MED12L: variants seen among roughly 807,000 people sequenced by gnomAD.
The protein encoded by MED12L is mediator complex subunit 12L.
A neutral mutation model predicts 281.3 loss-of-function variants in MED12L; 60 were observed. The observed-to-expected ratio is 0.21, with a 90% CI of 0.17 to 0.26. The LOEUF (loss-of-function observed/expected upper bound fraction) is 0.26. Ranked by LOEUF, MED12L falls within the 10% of genes least tolerant of loss-of-function variation. The pLI, the probability that MED12L is intolerant of heterozygous loss-of-function variation, is 1.00. For synonymous variants in MED12L, 974 were observed against 987.2 expected, an observed-to-expected ratio of 0.99 and a Z score of 0.25; for missense variants, 2,146 against 2,680.9, an observed-to-expected ratio of 0.80 and a Z score of 4.41.
intron 16 of MED12L, among the ~76,000 whole-genome samples, chr3:151,334,095 C>A (rs1750658741): frequency 6.7e-6 from 1 of 150,236 alleles, no homozygotes; most frequent in African/African-American, 2.5e-5. Flanking sequence ...GAAAAAAAAT[C>A]TTTTAAATTA....
At chr3:151,360,417 T>C (rs894588934) in intron 20 of MED12L, 57 bp from the exon 21 acceptor site, 13 of 1,526,360 alleles carry the variant, frequency 8.5e-6, no homozygotes, top group Admixed American at 5.7e-5. Flanking sequence ...AAGAGTCAAA[T>C]GATAACCCAC....
chr3:151,097,267 T>C (rs1473204611), intron 2 of MED12L, among the ~76,000 whole-genome samples: 1 of 152,218 alleles, frequency 6.6e-6, no homozygotes, highest in East Asian at 1.9e-4. Context: ...TATAAATGGA[T>C]CTTTCTTAGT....
intron 16 of MED12L, among the ~76,000 whole-genome samples, chr3:151,273,177 T>C (rs1030612353): frequency 1.3e-4 from 19 of 151,956 alleles, no homozygotes; most frequent in African/African-American, 4.4e-4. Flanking sequence ...CACTATGTTA[T>C]TGGGAAAGAA....
intron 2 of MED12L, among the ~76,000 whole-genome samples, chr3:151,105,957 G>C (rs9850016): frequency 0.44 from 66,750 of 152,014 alleles, 16,816 homozygotes; most frequent in African/African-American, 0.71. Context: ...CTTGCTGTTT[G>C]TCATTCCATC....
At chr3:151,300,258 AT>A (rs1745723226) in intron 16 of MED12L, 1 of 677,298 alleles carries the variant, frequency 1.5e-6, no homozygotes, top group Non-Finnish European at 2.7e-6. Flanking sequence ...AAAATACAAC[AT>A]TTTGGTCTTT....
chr3:151,425,174 T>C (rs60571184), intron 43 of MED12L, among the ~76,000 whole-genome samples: 19,978 of 152,218 alleles, frequency 0.13, 1,715 homozygotes, highest in East Asian at 0.42. Context: ...GTAGGTCCAT[T>C]ACTGAATCAG....
intron 2 of MED12L, among the ~76,000 whole-genome samples, chr3:151,108,488 G>A (rs749867118): frequency 6.6e-6 from 1 of 152,168 alleles, no homozygotes; most frequent in Admixed American, 6.5e-5. Flanking sequence ...GACATCCTTG[G>A]GGGTCTGAGA....
chr3:151,269,176 G>A (rs1262858966), intron 16 of MED12L, among the ~76,000 whole-genome samples: 1 of 152,156 alleles, frequency 6.6e-6, no homozygotes, highest in Non-Finnish European at 1.5e-5. Flanking sequence ...CAAGGTGGGT[G>A]GATCACCTGA....
chr3:151,094,827 C>T (rs930628564), intron 2 of MED12L, among the ~76,000 whole-genome samples: 8 of 152,260 alleles, frequency 5.3e-5, no homozygotes, highest in African/African-American at 1.4e-4. Context: ...GGAGGAAGTA[C>T]ATTAAAGAAT....
At chr3:151,089,861 T>A (rs975910415) in intron 2 of MED12L, among the ~76,000 whole-genome samples, 1 of 152,172 alleles carries the variant, frequency 6.6e-6, no homozygotes, top group Non-Finnish European at 1.5e-5. Flanking sequence ...CTGGCAGTCA[T>A]CCTTGAGACC....
At chr3:151,388,330 T>G (rs1360357296) in intron 37 of MED12L, among the ~76,000 whole-genome samples, 158 bp downstream of exon 37, 2 of 152,220 alleles carry the variant, frequency 1.3e-5, no homozygotes, top group Non-Finnish European at 2.9e-5. Flanking sequence ...TGGCACACAA[T>G]GACTTGTCAC....
rs555937140 is a variant in MED12L, at chr3:151,168,759, G to A, written c.1494+2777G>A. ...CTCAGTCTGTTGCCCAGGCTAGAGT[G>A]CAGTGGTACTGTCTTGGCTCCCTGC... On this transcript the variant is annotated intron_variant, in intron 11 of 44. Transcript: ENST00000687756. Among the ~76,000 whole-genome samples the A allele has an allele frequency of 1.2e-4, 19 of 152,322 alleles. No homozygotes were observed. In the East Asian group the frequency reaches 3.7e-3, roughly 29 times the overall value.
rs59529483 is a variant in MED12L at position 151,336,591 on chromosome 3, G to A, written c.2251-13468G>A. 2.1e-3 allele frequency: 945 copies of A among 454,692 alleles called. 6 individuals are homozygous for A. Among genetic ancestry groups the A allele is most frequent in the African/African-American group, 0.018 (889 of 50,074 alleles). 28.2% of individuals were successfully genotyped at this position (454,692 alleles called of 1,614,324 possible). On this transcript the variant is annotated intron_variant, in intron 16 of 44. Transcript: ENST00000687756. ...AGATAAGTGATGTAAACTTCCACAT[G>A]TGTTATATGTTTTGTTTATGTTAAA...
At chr3:151,343,485 G>C (rs1045053853) in intron 16 of MED12L, among the ~76,000 whole-genome samples, 6 of 152,158 alleles carry the variant, frequency 3.9e-5, no homozygotes, top group African/African-American at 1.4e-4. Context: ...TTCATTGGAG[G>C]AAGACTGCCA....
chr3:151,342,550 T>G (rs1751998208), intron 16 of MED12L, among the ~76,000 whole-genome samples: 2 of 152,220 alleles, frequency 1.3e-5, no homozygotes, highest in African/African-American at 4.8e-5. Context: ...ATCTGTATTT[T>G]AGTGAGCCTT....
chr3:151,135,503 C>T (rs1247172386), intron 5 of MED12L, among the ~76,000 whole-genome samples: 1 of 152,208 alleles, frequency 6.6e-6, no homozygotes, highest in Non-Finnish European at 1.5e-5. Context: ...TATCTGTAAC[C>T]TTGCAATGTA....
chr3:151,105,914 A>G (rs973540319), intron 2 of MED12L, among the ~76,000 whole-genome samples: 2 of 152,096 alleles, frequency 1.3e-5, no homozygotes, highest in African/African-American at 4.8e-5. Flanking sequence ...GGGGAGATAT[A>G]CCATCCCAAA....
chr3:151,357,603 C>T (rs1754085420), intron 20 of MED12L, among the ~76,000 whole-genome samples: 2 of 152,150 alleles, frequency 1.3e-5, no homozygotes, highest in Non-Finnish European at 2.9e-5. Flanking sequence ...TGCCTTTCTT[C>T]CCTCTCCCTG....
chr3:151,289,385 TACTC>T (rs759566410), intron 16 of MED12L, among the ~76,000 whole-genome samples: 2 of 152,228 alleles, frequency 1.3e-5, no homozygotes, highest in Non-Finnish European at 1.5e-5. Context: ...TAGAAAAAGA[TACTC>T]ACTCTGTATT....
Sources: gnomAD v4.1 joint callset for allele counts (sites outside exome capture counted in the v4.1 genomes callset) on GRCh38, gnomAD v4.1.1 for gene constraint, MANE v1.5 for transcripts, NCBI Gene and HGNC (gene_info 2026-07-23, HGNC 2026-07-21) for gene names.